Variants in AGO3 observed in about 807,000 individuals in gnomAD.
AGO3 encodes protein argonaute-3.
A neutral mutation model predicts 105.5 loss-of-function variants in AGO3; 16 were observed. That is an observed-to-expected ratio of 0.15 (90% CI 0.10 to 0.23). AGO3 has a LOEUF of 0.23. Among genes scored for constraint, AGO3 ranks in the 10% least tolerant of loss-of-function variants. AGO3 has a pLI of 1.00. For missense variants in AGO3, 534 were observed against 1,088.0 expected (o/e 0.49, Z 7.16); for synonymous variants, 340 against 367.3 (o/e 0.93, Z 0.85).
intron 17 of AGO3, among the ~76,000 whole-genome samples, chr1:36,050,791 CAAAA>C (rs566050744): frequency 4.7e-5 from 4 of 85,888 alleles, no homozygotes; most frequent in Non-Finnish European, 2.7e-5. Context: ...GACTCTATCT[CAAAA>C]AAAAAAAAAA....
In AGO3 at chr1:36,070,809, T is replaced by G. The variant is rs1643152242; in HGVS notation, c.*15064T>G. ...CAGTGAGATAGCTAACGCTGATATA[T>G]CAGGAATAATTTTAAACTATTTTTG... On this transcript the variant is annotated 3_prime_UTR_variant, in exon 19 of 19. Transcript: ENST00000373191. The G allele has an allele frequency of 6.6e-6, 1 of 152,214 alleles. No individual in the cohort carries two copies. Among genetic ancestry groups the G allele is most frequent in the South Asian group, 2.1e-4 (1 of 4,836 alleles). The allele number at this position is 152,214 out of a possible 1,614,324, so 9.4% of individuals were successfully genotyped here. A position where few individuals can be genotyped will look rare whatever the true frequency, so the allele number is the denominator to read the frequency against.
rs555474349 is a variant in AGO3 at position 36,062,768 on chromosome 1, C to A, written c.*7023C>A. The A allele has an allele frequency of 1.4e-4, 21 of 151,786 alleles. No homozygotes were observed. The highest frequency in any genetic ancestry group is 4.1e-4 in the African/African-American group (17 of 41,470). 9.4% of individuals were successfully genotyped at this position (151,786 alleles called of 1,614,324 possible). On this transcript the variant is annotated 3_prime_UTR_variant, in exon 19 of 19. Transcript: ENST00000373191. ...GACTAAAAGCAAACAACAACAACAA[C>A]AAAAAATACCACACCTCAGTAACCT...
intron 5 of AGO3, among the ~76,000 whole-genome samples, chr1:36,003,709 A>AAAAAATATATATATATATAT (rs1295618675): frequency 1.0e-5 from 1 of 99,446 alleles, no homozygotes; most frequent in Non-Finnish European, 1.9e-5. Context: ...AAAAAAAAAA[A>AAAAAATATATATATATATAT]ATATATATAT....
rs1322096491 is a variant in AGO3, at chr1:36,008,620, A to G, written c.794-70A>G. 2 of 1,460,814 alleles carry G rather than the reference A, an allele frequency of 1.4e-6. No homozygotes were observed. The highest frequency in any genetic ancestry group is 1.4e-5 in the African/African-American group (1 of 70,660). 90.5% of individuals were successfully genotyped at this position (1,460,814 alleles called of 1,614,324 possible). On this transcript the variant is annotated intron_variant, in intron 6 of 18. Coordinates refer to ENST00000373191, the MANE Select transcript of AGO3 (RefSeq NM_024852.4). The surrounding 1 kb of genome is among the most constrained non-coding windows in gnomAD (Gnocchi z 5.1). ...CAGAATTGAGTTTTTATGGTAATGA[A>G]CAGGCTTTATAAGTATAAATATTTT...
chr1:35,984,857 A>C (rs1647134006), intron 5 of AGO3, among the ~76,000 whole-genome samples: 1 of 152,234 alleles, frequency 6.6e-6, no homozygotes. Context: ...TAATGAGATC[A>C]AGAGTTTGGA....
At chr1:36,010,916 AAAG>A (rs965260578) in intron 9 of AGO3, among the ~76,000 whole-genome samples, 1 of 151,610 alleles carries the variant, frequency 6.6e-6, no homozygotes, top group Non-Finnish European at 1.5e-5. Flanking sequence ...AAAAAAAAAA[AAAG>A]AGAGAGAGAG....
intron 5 of AGO3, among the ~76,000 whole-genome samples, chr1:36,003,295 T>C (rs747215035): frequency 3.3e-5 from 5 of 152,134 alleles, no homozygotes; most frequent in African/African-American, 7.2e-5. Context: ...CTGCTAACCA[T>C]TGGTGAAACT....
chr1:36,065,169 A>G lies in AGO3; in HGVS notation c.*9424A>G, dbSNP rs1176965283. On this transcript the variant is annotated 3_prime_UTR_variant, in exon 19 of 19. Coordinates refer to ENST00000373191, the MANE Select transcript of AGO3 (RefSeq NM_024852.4). ...GCGACAGAGCAAGACTCCGTCTCAAAAAAAAAAAAAGCAAAATATTTTTGC... is the reference window on the plus strand; with the variant it reads ...GCGACAGAGCAAGACTCCGTCTCAAGAAAAAAAAAAGCAAAATATTTTTGC... The G allele has an allele frequency of 6.6e-6, 1 of 151,732 alleles. No homozygotes were observed. Among genetic ancestry groups the G allele is most frequent in the Admixed American group, 6.6e-5 (1 of 15,216 alleles). 9.4% of individuals were successfully genotyped at this position (151,732 alleles called of 1,614,324 possible). A position where few individuals can be genotyped will look rare whatever the true frequency, so the allele number is the denominator to read the frequency against.
At chr1:36,045,274 T>TG (rs1642415529) in intron 17 of AGO3, among the ~76,000 whole-genome samples, 5 of 151,918 alleles carry the variant, frequency 3.3e-5, no homozygotes, top group Admixed American at 3.3e-4. Context: ...CAGGCTGGAG[T>TG]ACAGTAGTGT....
intron 14 of AGO3, among the ~76,000 whole-genome samples, chr1:36,038,478 A>G (rs1642112427): frequency 6.6e-6 from 1 of 151,810 alleles, no homozygotes; most frequent in Non-Finnish European, 1.5e-5. Flanking sequence ...GATGGTCTTG[A>G]TCTCCTGACC....
chr1:36,015,308 A>G (rs1015000892), intron 11 of AGO3, among the ~76,000 whole-genome samples: 3 of 152,220 alleles, frequency 2.0e-5, no homozygotes, highest in Non-Finnish European at 2.9e-5. Context: ...TGGAGTTTAC[A>G]TGCCATCCCT....
At position 36,058,227 on chromosome 1, in the gene AGO3, A is replaced by G. The variant is rs1557720632; in HGVS notation, c.*2482A>G. 1 of 152,204 alleles carries G rather than the reference A, an allele frequency of 6.6e-6. No individual in the cohort carries two copies. Among genetic ancestry groups the G allele is most frequent in the Non-Finnish European group, 1.5e-5 (1 of 68,032 alleles). The allele number at this position is 152,204 out of a possible 1,614,324, so 9.4% of individuals were successfully genotyped here. A position where few individuals can be genotyped will look rare whatever the true frequency, so the allele number is the denominator to read the frequency against. ...GTATCACCAGTATAACTTTCCTTTT[A>G]AAATTAAGGTGATAGTAACAAAGGA... On this transcript the variant is annotated 3_prime_UTR_variant, in exon 19 of 19. Coordinates refer to ENST00000373191, the MANE Select transcript of AGO3 (RefSeq NM_024852.4).
intron 2 of AGO3, among the ~76,000 whole-genome samples, chr1:35,952,777 A>T (rs889077482): frequency 6.6e-6 from 1 of 152,228 alleles, no homozygotes; most frequent in Non-Finnish European, 1.5e-5. Context: ...TTAGATGTGT[A>T]GTAGGCTCTA....
intron 5 of AGO3, among the ~76,000 whole-genome samples, chr1:35,980,382 A>G (rs1402483307): frequency 6.6e-6 from 1 of 152,186 alleles, no homozygotes; most frequent in African/African-American, 2.4e-5. Flanking sequence ...GTATATATTC[A>G]TTGATTTGAA....
intron 11 of AGO3, among the ~76,000 whole-genome samples, chr1:36,022,145 G>A (rs1432157075): frequency 2.8e-5 from 4 of 142,276 alleles, no homozygotes; most frequent in African/African-American, 5.2e-5. Context: ...GGCTCACTGC[G>A]CCTCAGCCTC....
At chr1:35,995,205 A>ATATATATATATATATATATAT (rs1553164834) in intron 5 of AGO3, among the ~76,000 whole-genome samples, 3 of 112,626 alleles carry the variant, frequency 2.7e-5, no homozygotes, top group African/African-American at 1.3e-4. Context: ...TGTCTAAAAA[A>ATATATATATATATATATATAT]AAAAATATAT....
intron 5 of AGO3, among the ~76,000 whole-genome samples, chr1:35,985,603 TA>T (rs925569677): frequency 1.3e-5 from 2 of 152,186 alleles, no homozygotes; most frequent in African/African-American, 4.8e-5. Context: ...AGTTTAACTT[TA>T]AAAAAATTAG....
In AGO3 at chr1:36,061,316, A is replaced by G. The variant is rs1235880508; in HGVS notation, c.*5571A>G. ...AGTTTATAATTTTCCATGTCAGTCA[A>G]CATAATTTTTTAAACTAAGGTATAA... On this transcript the variant is annotated 3_prime_UTR_variant, in exon 19 of 19. Transcript: ENST00000373191. The G allele has an allele frequency of 1.3e-5, 2 of 152,216 alleles. No homozygotes were observed. Among genetic ancestry groups the G allele is most frequent in the African/African-American group, 4.8e-5 (2 of 41,464 alleles). The allele number at this position is 152,216 out of a possible 1,614,324, so 9.4% of individuals were successfully genotyped here. A position where few individuals can be genotyped will look rare whatever the true frequency, so the allele number is the denominator to read the frequency against.
At chr1:36,010,046 C>G (rs1290367484) in intron 9 of AGO3, among the ~76,000 whole-genome samples, 1 of 147,968 alleles carries the variant, frequency 6.8e-6, no homozygotes, top group Non-Finnish European at 1.5e-5. Flanking sequence ...TCACACCATT[C>G]TCCTGCTTCA....
Sources: allele counts gnomAD v4.1 joint callset (sites outside exome capture counted in the v4.1 genomes callset), GRCh38; gene constraint gnomAD v4.1.1; non-coding constraint Gnocchi (gnomAD v3.1); transcripts MANE v1.5; gene names NCBI Gene and HGNC (gene_info 2026-07-23, HGNC 2026-07-21).